BLNK: variants seen among roughly 807,000 people sequenced by gnomAD.
BLNK encodes B-cell linker protein.
Under a neutral mutation model 73.5 loss-of-function variants are expected in BLNK, and 29 were observed. That is an observed-to-expected ratio of 0.39 (90% CI 0.29 to 0.54). The LOEUF is 0.54. Ranked by LOEUF, BLNK falls within the 20% of genes least tolerant of loss-of-function variation. BLNK has a pLI of 0.61. For synonymous variants in BLNK, 176 were observed against 200.8 expected (o/e 0.88, Z 1.04); for missense variants, 460 against 562.8 (o/e 0.82, Z 1.85).
At chr10:96,237,908 A>G (rs1326599271) in intron 3 of BLNK, among the ~76,000 whole-genome samples, 1 of 152,198 alleles carries the variant, frequency 6.6e-6, no homozygotes, top group Admixed American at 6.5e-5. Flanking sequence ...TAATTTCTAT[A>G]TAACGGTGCT....
At chr10:96,204,420 G>A (rs782700233) in intron 12 of BLNK, 112 bp downstream of exon 12, 345 of 1,225,314 alleles carry the variant, frequency 2.8e-4, no homozygotes, top group Non-Finnish European at 3.8e-4. Context: ...ACAATGAAAT[G>A]TTGGATTTTT....
chr10:96,233,985 T>C (rs1210881101), intron 3 of BLNK, among the ~76,000 whole-genome samples: 1 of 152,378 alleles, frequency 6.6e-6, no homozygotes, highest in East Asian at 1.9e-4. Context: ...AGTGTATTCT[T>C]ATAACAGCAC....
At chr10:96,203,048 C>T (rs1392073216) in intron 13 of BLNK, among the ~76,000 whole-genome samples, 2 of 152,074 alleles carry the variant, frequency 1.3e-5, no homozygotes, top group Admixed American at 6.5e-5. Context: ...ATTATTTGTG[C>T]GTTTATTTTT....
chr10:96,208,872 G>A (rs2083883539), intron 9 of BLNK, among the ~76,000 whole-genome samples: 1 of 152,174 alleles, frequency 6.6e-6, no homozygotes, highest in South Asian at 2.1e-4. Context: ...AAGTGATACA[G>A]CTGAACTAAG....
At chr10:96,212,901 T>C (rs1489141674) in intron 8 of BLNK, among the ~76,000 whole-genome samples, 1 of 152,214 alleles carries the variant, frequency 6.6e-6, no homozygotes, top group East Asian at 1.9e-4. Flanking sequence ...CTGTTTAGGC[T>C]TGTCCCTTCA....
intron 11 of BLNK, among the ~76,000 whole-genome samples, chr10:96,206,344 C>T (rs1273320247): frequency 5.3e-5 from 8 of 151,764 alleles, no homozygotes; most frequent in African/African-American, 1.2e-4. Context: ...TATTTTTTTC[C>T]GGTAATTTCC....
intron 4 of BLNK, among the ~76,000 whole-genome samples, chr10:96,228,181 C>G (rs1003653939): frequency 6.6e-6 from 1 of 151,568 alleles, no homozygotes; most frequent in South Asian, 2.1e-4. Flanking sequence ...CTCACTGCAG[C>G]CTCTGCCTCC....
intron 1 of BLNK, among the ~76,000 whole-genome samples, chr10:96,251,088 T>C (rs1447160865): frequency 6.6e-6 from 1 of 152,248 alleles, no homozygotes; most frequent in Admixed American, 6.5e-5. Context: ...TATAGTTAAC[T>C]ATAGTCACCC....
chr10:96,201,400 C>G (rs1260340935), intron 13 of BLNK, among the ~76,000 whole-genome samples: 1 of 152,106 alleles, frequency 6.6e-6, no homozygotes, highest in Non-Finnish European at 1.5e-5. Context: ...AAGAGATTTA[C>G]AAAATGTAAA....
intron 3 of BLNK, among the ~76,000 whole-genome samples, chr10:96,236,638 A>C (rs949303005): frequency 6.6e-6 from 1 of 152,122 alleles, no homozygotes; most frequent in African/African-American, 2.4e-5. Context: ...CCTGGACAAC[A>C]TAGTGAGACA....
chr10:96,237,129 A>G (rs1410148509), intron 3 of BLNK, among the ~76,000 whole-genome samples: 1 of 152,206 alleles, frequency 6.6e-6, no homozygotes, highest in Admixed American at 6.5e-5. Flanking sequence ...TGTTGGATAT[A>G]GCTCTCCCAT....
intron 8 of BLNK, among the ~76,000 whole-genome samples, chr10:96,212,598 C>T (rs1329447161): frequency 5.9e-5 from 9 of 152,174 alleles, no homozygotes; most frequent in African/African-American, 9.7e-5. Flanking sequence ...GCGGGGACGG[C>T]AGGGGCTGTC....
intron 15 of BLNK, chr10:96,199,613 A>G: frequency 4.6e-6 from 2 of 438,542 alleles, no homozygotes; most frequent in Non-Finnish European, 4.6e-6. Flanking sequence ...CTCTTGAGTA[A>G]GTAAAGGAAA....
intron 12 of BLNK, 130 bp downstream of exon 12, chr10:96,204,388 CCTTTTAACACGTAA>C: frequency 1.0e-6 from 1 of 990,880 alleles, no homozygotes; most frequent in Non-Finnish European, 1.6e-6. Context: ...TTGCTCAACA[CCTTTTAACACGTAA>C]CTGCAAAACA....
chr10:96,189,722 C>T lies in BLNK; in HGVS notation c.*2251G>A. On this transcript the variant is annotated 3_prime_UTR_variant, in exon 17 of 17. Transcript: ENST00000224337. ...AAATCATCATCATCATCATCATCATCATCATCATCATCTTCATCAGCAGCA... is the reference window on the plus strand; with the variant it reads ...AAATCATCATCATCATCATCATCATTATCATCATCATCTTCATCAGCAGCA... 2.8e-6 allele frequency: 2 copies of T among 721,090 alleles called. No homozygotes were observed. The highest frequency in any genetic ancestry group is 2.8e-5 in the South Asian group (2 of 71,860). 44.7% of individuals were successfully genotyped at this position (721,090 alleles called of 1,614,324 possible).
At position 96,191,254 on chromosome 10, in the gene BLNK, T is replaced by TTA. The variant is rs1554893321; in HGVS notation, c.*718_*719insTA. Among the ~76,000 whole-genome samples, 3 of 147,916 alleles carry TTA rather than the reference T, an allele frequency of 2.0e-5. No homozygotes were observed. The highest frequency in any genetic ancestry group is 4.5e-5 in the Non-Finnish European group (3 of 66,556). ...AAACCTCTTTTTTTTTTTTTTTTTT[T>TTA]ATGTAAATCACCCAGTCTTGAGTAT... On this transcript the variant is annotated 3_prime_UTR_variant, in exon 17 of 17. Coordinates refer to ENST00000224337, the MANE Select transcript of BLNK (RefSeq NM_013314.4).
intron 6 of BLNK, among the ~76,000 whole-genome samples, chr10:96,223,018 T>C (rs2084234770): frequency 6.7e-6 from 1 of 150,322 alleles, no homozygotes; most frequent in African/African-American, 2.5e-5. Flanking sequence ...AGAAAAAACC[T>C]GAAACTGGTG....
chr10:96,209,634 C>T (rs782337139), intron 9 of BLNK, among the ~76,000 whole-genome samples: 2 of 152,214 alleles, frequency 1.3e-5, no homozygotes, highest in South Asian at 4.1e-4. Flanking sequence ...TTCAAGTGAG[C>T]TGCCCGCCTT....
chr10:96,241,753 C>G (rs1281013426), intron 3 of BLNK, among the ~76,000 whole-genome samples: 5 of 147,242 alleles, frequency 3.4e-5, no homozygotes, highest in African/African-American at 1.3e-4. Flanking sequence ...TTTTTTGAGA[C>G]AGGGTCTCAC....
Sources: allele counts gnomAD v4.1 joint callset (sites outside exome capture counted in the v4.1 genomes callset), GRCh38; gene constraint gnomAD v4.1.1; transcripts MANE v1.5; gene names NCBI Gene and HGNC (gene_info 2026-07-23, HGNC 2026-07-21).